DYSF: variants seen among roughly 807,000 people sequenced by gnomAD.
DYSF encodes the protein dysferlin, also known as dystrophy-associated fer-1-like 1.
Under a neutral mutation model 274.9 loss-of-function variants are expected in DYSF, and 212 were observed. The observed-to-expected ratio is 0.77, with a 90% CI of 0.69 to 0.86. The LOEUF (loss-of-function observed/expected upper bound fraction) is 0.86, where lower values mean the gene tolerates loss of function less well. Ranked by LOEUF, DYSF falls within the 40% of genes least tolerant of loss-of-function variation. DYSF has a pLI of 0.00. For synonymous variants in DYSF, 1,091 were observed against 1,078.7 expected (o/e 1.01, Z -0.22); for missense variants, 2,666 against 2,783.2 (o/e 0.96, Z 0.95).
At chr2:71,620,670 G>A (rs1436002793) in intron 41 of DYSF, 61 bp downstream of exon 41, 3 of 1,484,810 alleles carry the variant, frequency 2.0e-6, no homozygotes, top group East Asian at 2.5e-5. Context: ...GGGGGTAGGG[G>A]GGTTAGGAGG....
intron 42 of DYSF, among the ~76,000 whole-genome samples, chr2:71,653,357 A>G (rs926331063): frequency 6.6e-6 from 1 of 152,148 alleles, no homozygotes; most frequent in Admixed American, 6.5e-5. Flanking sequence ...AGACACATGC[A>G]CACGTATGTT....
In DYSF at chr2:71,611,611, C is replaced by T. The variant is rs2152875462; in HGVS notation, c.4206C>T (p.Thr1402=). ...LRKNPNFDIC[T]LFMEVMLPRE... is the part of the protein sequence containing the mutation. The stretch of plus-strand genomic sequence containing the variant: ...AGAACCCCAACTTTGACATCTGCAC[C>T]CTCTTCATGGAAGTGGTGAGCCCCA... The change falls in exon 38 of 56, where the codon ACC becomes ACT. Residue 1402 remains threonine (T), a synonymous_variant. Transcript: ENST00000410020. 1 of 1,613,916 alleles carries T rather than the reference C, an allele frequency of 6.2e-7. No homozygotes were observed. Among genetic ancestry groups the T allele is most frequent in the East Asian group, 2.2e-5 (1 of 44,878 alleles).
chr2:71,617,649 T>TGTGC (rs1361485844), intron 40 of DYSF, among the ~76,000 whole-genome samples: 1 of 140,684 alleles, frequency 7.1e-6, no homozygotes, highest in Non-Finnish European at 1.5e-5. Context: ...AGAGGTGGTG[T>TGTGC]GTGTGTGGCA....
rs757830403 is a variant in DYSF at position 71,574,214 on chromosome 2, C to CGGAGGT, written c.3250_3251insTGGAGG (p.Glu1083_Gly1084insValGlu). 6.2e-7 allele frequency: 1 copy of CGGAGGT among 1,613,300 alleles called. No homozygotes were observed. Among genetic ancestry groups the CGGAGGT allele is most frequent in the Non-Finnish European group, 8.5e-7 (1 of 1,180,030 alleles). The stretch of plus-strand genomic sequence containing the variant: ...CTTGTGCAGCACAGGCAGGCGGAGG[C>CGGAGGT]GGAGGGCGAGGGCTGGGAGTACGCC... On this transcript the variant is annotated inframe_insertion, in exon 30 of 56. Coordinates refer to ENST00000410020, the MANE Select transcript of DYSF (RefSeq NM_001130987.2).
chr2:71,664,601 A>T (rs2152951146), intron 46 of DYSF, among the ~76,000 whole-genome samples, 163 bp downstream of exon 46: 1 of 152,330 alleles, frequency 6.6e-6, no homozygotes, highest in Non-Finnish European at 1.5e-5. Flanking sequence ...CCCACTCCAC[A>T]GATGAAGAAA....
rs562074761 is a variant in DYSF, at chr2:71,586,892, C to T, written c.3403-2701C>T. Among the ~76,000 whole-genome samples, 7 of 152,260 alleles carry T rather than the reference C, an allele frequency of 4.6e-5. No individual in the cohort carries two copies. The East Asian group carries it at 7.7e-4, about 17-fold the overall frequency. ...ATGTGTGTGGCCGGACTGAGGTAGACGGACCACAGAGTCCATCCCACCTGC... is the reference window on the plus strand; with the variant it reads ...ATGTGTGTGGCCGGACTGAGGTAGATGGACCACAGAGTCCATCCCACCTGC... On this transcript the variant is annotated intron_variant, in intron 30 of 55. Coordinates refer to ENST00000410020, the MANE Select transcript of DYSF (RefSeq NM_001130987.2).
rs555768458 is a variant in DYSF, at chr2:71,501,526, TG to T, written c.240-1687del. Among the ~76,000 whole-genome samples the T allele has an allele frequency of 7.2e-5, 11 of 152,368 alleles. No individual in the cohort carries two copies. The East Asian group carries it at 1.5e-3, about 21-fold the overall frequency. On this transcript the variant is annotated intron_variant, in intron 3 of 55. Coordinates refer to ENST00000410020, the MANE Select transcript of DYSF (RefSeq NM_001130987.2). ...TCATTCCCACCGTCCACCTCCAAAATGTTCTCATCTTCTAAAACTGAAACTC... is the reference window on the plus strand; with the variant it reads ...TCATTCCCACCGTCCACCTCCAAAATTTCTCATCTTCTAAAACTGAAACTC...
chr2:71,685,527 A>G (rs1194650886), intron 55 of DYSF, among the ~76,000 whole-genome samples: 1 of 152,348 alleles, frequency 6.6e-6, no homozygotes. Context: ...CTTTCAGGCC[A>G]TGGGACAGAG....
At chr2:71,616,153 G>A (rs917213492) in intron 40 of DYSF, among the ~76,000 whole-genome samples, 2 of 152,254 alleles carry the variant, frequency 1.3e-5, no homozygotes, top group Middle Eastern at 3.4e-3. Context: ...CACTCACCAC[G>A]GAGTATTTCT....
intron 12 of DYSF, 74 bp downstream of exon 12, chr2:71,520,978 C>A: frequency 8.0e-7 from 1 of 1,243,156 alleles, no homozygotes; most frequent in Non-Finnish European, 1.2e-6. Context: ...AAACCACAAA[C>A]AAAAACTCTA....
At chr2:71,489,746 G>T (rs1373436901) in intron 3 of DYSF, among the ~76,000 whole-genome samples, 5 of 152,198 alleles carry the variant, frequency 3.3e-5, no homozygotes, top group African/African-American at 1.2e-4. Context: ...GGAGGGGCAG[G>T]TATTCTAATT....
At chr2:71,474,808 A>G (rs932556265) in intron 1 of DYSF, among the ~76,000 whole-genome samples, 2 of 152,204 alleles carry the variant, frequency 1.3e-5, no homozygotes, top group African/African-American at 4.8e-5. Flanking sequence ...AGGGCTTGGC[A>G]CACAGATATC....
At chr2:71,589,533 T>A (rs1342155870) in intron 30 of DYSF, 60 bp from the exon 31 acceptor site, 2 of 1,385,638 alleles carry the variant, frequency 1.4e-6, no homozygotes, top group Non-Finnish European at 2.1e-6. Context: ...TCTGGGCTAG[T>A]CTCCCTGCCA....
At chr2:71,583,499 G>T (rs1426661758) in intron 30 of DYSF, among the ~76,000 whole-genome samples, 1 of 152,176 alleles carries the variant, frequency 6.6e-6, no homozygotes, top group Non-Finnish European at 1.5e-5. Flanking sequence ...GGCCACTGTG[G>T]GGCTTTCCCC....
At chr2:71,684,552 G>C in intron 55 of DYSF, among the ~76,000 whole-genome samples, 1 of 152,214 alleles carries the variant, frequency 6.6e-6, no homozygotes, top group East Asian at 1.9e-4. Flanking sequence ...TGAAACCAGA[G>C]AGTAAGGAAA....
At chr2:71,456,653 T>G (rs943808133) in intron 1 of DYSF, among the ~76,000 whole-genome samples, 1 of 152,134 alleles carries the variant, frequency 6.6e-6, no homozygotes, top group Admixed American at 6.5e-5. Context: ...TATACATTCA[T>G]TGCAAGCTCA....
chr2:71,668,059 G>C (rs910461545), intron 48 of DYSF, among the ~76,000 whole-genome samples: 3 of 151,980 alleles, frequency 2.0e-5, no homozygotes, highest in Admixed American at 2.0e-4. Context: ...TCCTGGAAGA[G>C]GTGAGCTCAG....
chr2:71,654,151 TTCTC>T, intron 42 of DYSF, among the ~76,000 whole-genome samples: 1 of 152,256 alleles, frequency 6.6e-6, no homozygotes, highest in East Asian at 1.9e-4. Context: ...CCGTGCAAGT[TTCTC>T]TATTATTATT....
chr2:71,479,309 C>T (rs1296794738), intron 1 of DYSF, among the ~76,000 whole-genome samples: 3 of 151,720 alleles, frequency 2.0e-5, no homozygotes, highest in Admixed American at 6.6e-5. Flanking sequence ...TCTTTGGGAC[C>T]TTCAACACTC....
Sources: gnomAD v4.1 joint callset for allele counts (sites outside exome capture counted in the v4.1 genomes callset) on GRCh38, gnomAD v4.1.1 for gene constraint, MANE v1.5 for transcripts, NCBI Gene and HGNC (gene_info 2026-07-23, HGNC 2026-07-21) for gene names.